MORN3: variants seen among roughly 807,000 people sequenced by gnomAD.
The protein encoded by MORN3 is MORN repeat-containing protein 3.
Under a neutral mutation model 34.7 loss-of-function variants are expected in MORN3, and 38 were observed. The ratio of observed to expected loss-of-function variants is 1.10; its 90% CI spans 0.85 to 1.44. The LOEUF is 1.44. Among genes scored for constraint, MORN3 ranks in the 40% most tolerant of loss-of-function variants. MORN3 has a pLI of 0.00. For missense variants in MORN3, 311 were observed against 321.7 expected (o/e 0.97, Z 0.25); for synonymous variants, 109 against 115.3 (o/e 0.95, Z 0.35).
chr12:121,661,964 A>C (rs1893598649), intron 1 of MORN3, among the ~76,000 whole-genome samples: 1 of 151,908 alleles, frequency 6.6e-6, no homozygotes. Context: ...CATTTGTGAC[A>C]ACATGGATGA....
rs782201889 is a variant in MORN3, at chr12:121,654,452, T to C, written c.304-19A>G. The C allele has an allele frequency of 4.5e-6, 7 of 1,565,678 alleles. No individual in the cohort carries two copies. In the East Asian group the frequency reaches 1.2e-4, roughly 26 times the overall value. On this transcript the variant is annotated intron_variant, in intron 2 of 5. Coordinates refer to ENST00000355329, the MANE Select transcript of MORN3 (RefSeq NM_173855.5). ...CATAACCCTGAAAGTACGAAGATGC[T>C]ACTACTCAGGGCGCCCCCCAACACC...
chr12:121,663,160 C>G (rs1269691687), intron 1 of MORN3, among the ~76,000 whole-genome samples: 2 of 151,176 alleles, frequency 1.3e-5, no homozygotes, highest in Admixed American at 1.3e-4. Flanking sequence ...GATGGATATG[C>G]TAATTACTTT....
chr12:121,652,596 T>C, intron 5 of MORN3, 132 bp downstream of exon 5: 1 of 733,670 alleles, frequency 1.4e-6, no homozygotes, highest in Non-Finnish European at 2.3e-6. Context: ...GCAAGAAGCC[T>C]GCCCTCGATG....
chr12:121,667,214 G>A (rs918544690), intron 1 of MORN3, among the ~76,000 whole-genome samples: 16 of 151,670 alleles, frequency 1.1e-4, no homozygotes, highest in Admixed American at 7.2e-4. Context: ...TGCCTGTCTC[G>A]GCCTCCCAAA....
At chr12:121,665,347 C>G (rs1382623681) in intron 1 of MORN3, among the ~76,000 whole-genome samples, 3 of 119,590 alleles carry the variant, frequency 2.5e-5, no homozygotes, top group Admixed American at 1.1e-4. Context: ...CTGGAGTGCA[C>G]TGGCGCGATC....
At chr12:121,667,376 C>T (rs572884702) in intron 1 of MORN3, among the ~76,000 whole-genome samples, 1 of 152,156 alleles carries the variant, frequency 6.6e-6, no homozygotes, top group Non-Finnish European at 1.5e-5. Context: ...GCCTCAGCCT[C>T]CCTAGTGGCT....
chr12:121,654,845 G>A (rs983822168), intron 2 of MORN3, among the ~76,000 whole-genome samples: 10 of 151,444 alleles, frequency 6.6e-5, no homozygotes, highest in East Asian at 6.0e-4. Flanking sequence ...TGATCCGCCC[G>A]CCTCAGCCTC....
Position 121,669,515 on chromosome 12 carries a change from G to A in MORN3, c.-32C>T. The A allele has an allele frequency of 6.2e-7, 1 of 1,611,308 alleles. No individual in the cohort carries two copies. The highest frequency in any genetic ancestry group is 8.5e-7 in the Non-Finnish European group (1 of 1,178,364). The stretch of plus-strand genomic sequence containing the variant: ...TGCTTCTGCAAGGCTGGAGGGTGCT[G>A]GAAAGGGGTTAGGGACATCTGGGGC... On this transcript the variant is annotated 5_prime_UTR_variant, in exon 1 of 6. An upstream open reading frame in the 5' UTR gains an earlier in-frame stop. Coordinates refer to ENST00000355329, the MANE Select transcript of MORN3 (RefSeq NM_173855.5).
chr12:121,652,954 C>T lies in MORN3; in HGVS notation c.648+121G>A, dbSNP rs1893293769. 7.8e-5 allele frequency: 112 copies of T among 1,436,764 alleles called. 1 individual carries two copies. The South Asian group carries it at 1.4e-3, about 18-fold the overall frequency. 89.0% of individuals were successfully genotyped at this position (1,436,764 alleles called of 1,614,324 possible). On this transcript the variant is annotated intron_variant, in intron 4 of 5. Transcript: ENST00000355329. Reference sequence around the variant, plus strand: ...AGGGATGCCCTGACTGAAAACAAAACCTTGTCTGTTCCCTGTCTGGGCTTG... The same window carrying T: ...AGGGATGCCCTGACTGAAAACAAAATCTTGTCTGTTCCCTGTCTGGGCTTG...
chr12:121,669,107 C>T (rs1193405094), intron 1 of MORN3, among the ~76,000 whole-genome samples: 1 of 152,236 alleles, frequency 6.6e-6, no homozygotes. Flanking sequence ...TTTCTCAAGA[C>T]CCTCTGTCCA....
At chr12:121,672,128 A>C (rs1259953399), upstream of MORN3, among the ~76,000 whole-genome samples, 1 of 152,096 alleles carries the variant, frequency 6.6e-6, no homozygotes, top group Non-Finnish European at 1.5e-5. Context: ...TGTTGACAGG[A>C]AATGAAAGTC....
rs1453158132 is a variant in MORN3 at position 121,650,508 on chromosome 12, G to C, written c.*1143C>G. On this transcript the variant is annotated 3_prime_UTR_variant, in exon 6 of 6. Coordinates refer to ENST00000355329, the MANE Select transcript of MORN3 (RefSeq NM_173855.5). ...CCACTGCACTCCAGCCTGGGTGACA[G>C]AGCAAGACTCTGTCTCAAAAAAAAA... 2.9e-5 allele frequency: 3 copies of C among 105,010 alleles called. No individual in the cohort carries two copies. In the Admixed American group the frequency reaches 4.1e-4, roughly 14 times the overall value. The allele number at this position is 105,010 out of a possible 1,614,324, so 6.5% of individuals were successfully genotyped here.
intron 1 of MORN3, among the ~76,000 whole-genome samples, chr12:121,665,018 G>C (rs569518891): frequency 6.6e-6 from 1 of 152,038 alleles, no homozygotes; most frequent in East Asian, 1.9e-4. Context: ...TTCTCTGCTA[G>C]TCCATTTTGA....
chr12:121,669,386 A>G lies in MORN3; in HGVS notation c.98T>C (p.Val33Ala), dbSNP rs11611666. 6.2e-7 allele frequency: 1 copy of G among 1,613,844 alleles called. No individual in the cohort carries two copies. The highest frequency in any genetic ancestry group is 1.3e-5 in the African/African-American group (1 of 74,852). ...CTCGCCCACATAGTAGTCGCCATTC[A>G]CAGCGTATACCTGGCTCCGCAGGCC... ...RNGLRSQVYA[V>A]NGDYYVGEWK... Residue 33 changes from valine (V) to alanine (A), a missense_variant, in exon 1 of 6, where the codon GTG (valine) becomes GCG (alanine). By Grantham distance (64) the Val-to-Ala change is moderately conservative. Coordinates refer to ENST00000355329, the MANE Select transcript of MORN3 (RefSeq NM_173855.5).
chr12:121,654,196 TG>T, intron 3 of MORN3, 77 bp downstream of exon 3: 2 of 1,205,014 alleles, frequency 1.7e-6, no homozygotes, highest in Middle Eastern at 2.8e-4. Flanking sequence ...CCTGTCTCTG[TG>T]GGACCAAATG....
At chr12:121,666,952 CTTTTTTTTTTT>C (rs376062157) in intron 1 of MORN3, among the ~76,000 whole-genome samples, 1 of 108,160 alleles carries the variant, frequency 9.2e-6, no homozygotes. Context: ...CCCACAACCT[CTTTTTTTTTTT>C]TTTTTTTTTT....
chr12:121,664,106 C>A (rs1468469388), intron 1 of MORN3, among the ~76,000 whole-genome samples: 1 of 152,120 alleles, frequency 6.6e-6, no homozygotes, highest in Non-Finnish European at 1.5e-5. Context: ...CCCACCCGGG[C>A]CTGCAAGGGG....
chr12:121,667,182 G>C (rs190811793), intron 1 of MORN3, among the ~76,000 whole-genome samples: 2 of 151,786 alleles, frequency 1.3e-5, no homozygotes, highest in Non-Finnish European at 2.9e-5. Context: ...GGCTGGTCTC[G>C]AACTCCTGAC....
chr12:121,671,857 G>A (rs1893977769), upstream of MORN3, among the ~76,000 whole-genome samples: 1 of 149,574 alleles, frequency 6.7e-6, no homozygotes, highest in Non-Finnish European at 1.5e-5. Context: ...CTCAGCCTGG[G>A]CAAAAAGAGT....
Sources: allele counts gnomAD v4.1 joint callset (sites outside exome capture counted in the v4.1 genomes callset), GRCh38; gene constraint gnomAD v4.1.1; transcripts MANE v1.5; gene names NCBI Gene and HGNC (gene_info 2026-07-23, HGNC 2026-07-21).